Variants in CDC42SE2 observed in about 807,000 individuals in gnomAD.
The protein encoded by CDC42SE2 is CDC42 small effector protein 2.
A neutral mutation model predicts 11.5 loss-of-function variants in CDC42SE2; 3 were observed. The observed-to-expected ratio is 0.26, with a 90% CI of 0.12 to 0.67. The LOEUF (loss-of-function observed/expected upper bound fraction) is 0.67. Among genes scored for constraint, CDC42SE2 ranks in the 30% least tolerant of loss-of-function variants. The pLI is 0.80. For synonymous variants in CDC42SE2, 33 were observed against 34.8 expected, an observed-to-expected ratio of 0.95 and a Z score of 0.18; for missense variants, 82 against 106.8, an observed-to-expected ratio of 0.77 and a Z score of 1.02.
chr5:131,336,587 C>T lies in CDC42SE2; in HGVS notation c.-286+20443C>T, dbSNP rs568439631. On this transcript the variant is annotated intron_variant, in intron 2 of 4. Transcript: ENST00000505065. ...GTGTTTTCCAACTTGGTTCCATTCT[C>T]CCCGTCACTTTCAGGTACACCATTG... Among the ~76,000 whole-genome samples the T allele has an allele frequency of 2.6e-5, 4 of 152,314 alleles. No homozygotes were observed. In the South Asian group the frequency reaches 6.2e-4, roughly 24 times the overall value.
intron 2 of CDC42SE2, among the ~76,000 whole-genome samples, chr5:131,320,412 T>TA (rs577089833): frequency 0.041 from 5,327 of 128,666 alleles, 315 homozygotes; most frequent in African/African-American, 0.14. Flanking sequence ...TAAATAAGAT[T>TA]AAAAAAAAAA....
rs192063038 is a variant in CDC42SE2 at position 131,334,847 on chromosome 5, C to T, written c.-286+18703C>T. ...CATTTTTTATTGGGTCTATTTGATTCTTCTCTCTTTTCTTCTTTATTAGTC... is the reference window on the plus strand; with the variant it reads ...CATTTTTTATTGGGTCTATTTGATTTTTCTCTCTTTTCTTCTTTATTAGTC... On this transcript the variant is annotated intron_variant, in intron 2 of 4. Transcript: ENST00000505065. 4.5e-3 allele frequency among the ~76,000 whole-genome samples: 683 copies of T among 151,824 alleles called. 3 individuals carry two copies. Among genetic ancestry groups the T allele is most frequent in the South Asian group, 8.9e-3 (43 of 4,818 alleles).
chr5:131,386,344 A>G (rs1750485960), intron 4 of CDC42SE2, among the ~76,000 whole-genome samples: 1 of 152,220 alleles, frequency 6.6e-6, no homozygotes, highest in Admixed American at 6.5e-5. Context: ...CCCGGTTCCT[A>G]ACAGGCCACT....
At chr5:131,289,861 A>AC (rs1228768561) in intron 1 of CDC42SE2, among the ~76,000 whole-genome samples, 1 of 151,990 alleles carries the variant, frequency 6.6e-6, no homozygotes, top group East Asian at 1.9e-4. Context: ...CTTCTTAGAA[A>AC]CAGGGACTCG....
chr5:131,286,433 G>A (rs559726783), intron 1 of CDC42SE2, among the ~76,000 whole-genome samples: 1 of 133,730 alleles, frequency 7.5e-6, no homozygotes, highest in Admixed American at 8.4e-5. Flanking sequence ...TGCCCTTGAC[G>A]TACAAGAAGG....
chr5:131,290,047 A>G (rs1757423985), intron 1 of CDC42SE2, among the ~76,000 whole-genome samples: 1 of 152,080 alleles, frequency 6.6e-6, no homozygotes, highest in Non-Finnish European at 1.5e-5. Flanking sequence ...GGGTCTCACT[A>G]TGTTGCCCAG....
chr5:131,268,754 CT>C (rs11370516), intron 1 of CDC42SE2, among the ~76,000 whole-genome samples: 112 of 96,874 alleles, frequency 1.2e-3, no homozygotes, highest in Admixed American at 1.2e-3. Context: ...ACCCGGATTG[CT>C]TTTTTTTTTT....
intron 3 of CDC42SE2, among the ~76,000 whole-genome samples, chr5:131,363,584 C>T (rs1165049105): frequency 1.3e-5 from 2 of 151,854 alleles, no homozygotes; most frequent in African/African-American, 4.8e-5. Flanking sequence ...TCCATGTTAG[C>T]CAGGCTGGTC....
chr5:131,268,761 T>TTC (rs1187414975), intron 1 of CDC42SE2, among the ~76,000 whole-genome samples: 1 of 145,878 alleles, frequency 6.9e-6, no homozygotes, highest in Non-Finnish European at 1.5e-5. Context: ...TTGCTTTTTT[T>TTC]TTTTTTTTTT....
chr5:131,378,866 G>T (rs780694390), intron 3 of CDC42SE2, among the ~76,000 whole-genome samples: 1 of 152,022 alleles, frequency 6.6e-6, no homozygotes, highest in Admixed American at 6.6e-5. Flanking sequence ...ACAAAGATAT[G>T]CTGTTAAAAA....
intron 2 of CDC42SE2, among the ~76,000 whole-genome samples, chr5:131,354,225 A>T (rs1439623178): frequency 6.6e-6 from 1 of 152,284 alleles, no homozygotes. Flanking sequence ...GCAGCAAAGC[A>T]AGACCCTGTC....
At position 131,359,437 on chromosome 5, in the gene CDC42SE2, CT is replaced by C; in HGVS notation, c.-55del. ...CGTATTGAGGAGCGTATTTTTGGAACTTCCCGAGTTGAGATTTGGAACCTTC... is the reference window on the plus strand; with the variant it reads ...CGTATTGAGGAGCGTATTTTTGGAACTCCCGAGTTGAGATTTGGAACCTTC... On this transcript the variant is annotated 5_prime_UTR_variant, in exon 3 of 5. Transcript: ENST00000505065. 14 of 1,322,318 alleles carry C rather than the reference CT, an allele frequency of 1.1e-5. No individual in the cohort carries two copies. Among genetic ancestry groups the C allele is most frequent in the Non-Finnish European group, 1.5e-5 (14 of 913,822 alleles). 81.9% of individuals were successfully genotyped at this position (1,322,318 alleles called of 1,614,324 possible). A position where few individuals can be genotyped will look rare whatever the true frequency, so the allele number is the denominator to read the frequency against.
At chr5:131,336,097 T>G (rs1580762078) in intron 2 of CDC42SE2, among the ~76,000 whole-genome samples, 1 of 152,216 alleles carries the variant, frequency 6.6e-6, no homozygotes, top group Non-Finnish European at 1.5e-5. Flanking sequence ...GTTTTTGCAG[T>G]GGCTGGTACC....
At position 131,377,174 on chromosome 5, in the gene CDC42SE2, A is replaced by ATT. The variant is rs35859756; in HGVS notation, c.55-8353_55-8352dup. On this transcript the variant is annotated intron_variant, in intron 3 of 4. Transcript: ENST00000505065. The stretch of plus-strand genomic sequence containing the variant: ...ATCTATTATTATTTGACTATATGTA[A>ATT]TTTTTTTTTTTTTTTTTGAGACAGA... Among the ~76,000 whole-genome samples the ATT allele has an allele frequency of 1.6e-4, 22 of 139,108 alleles. 1 individual carries two copies. Among genetic ancestry groups the ATT allele is most frequent in the African/African-American group, 4.0e-4 (15 of 37,386 alleles). 91.3% of individuals were successfully genotyped at this position (139,108 alleles called of 152,430 possible). A position where few individuals can be genotyped will look rare whatever the true frequency, so the allele number is the denominator to read the frequency against.
chr5:131,365,809 C>T (rs534873753), intron 3 of CDC42SE2, among the ~76,000 whole-genome samples: 20 of 152,132 alleles, frequency 1.3e-4, no homozygotes, highest in Admixed American at 8.5e-4. Context: ...GGTGAAACCC[C>T]GTCTCTACTA....
chr5:131,283,136 A>G (rs949161790), intron 1 of CDC42SE2, among the ~76,000 whole-genome samples: 7 of 151,514 alleles, frequency 4.6e-5, no homozygotes, highest in Non-Finnish European at 8.8e-5. Context: ...CATGTTGTTC[A>G]GGCTGGTCTC....
At chr5:131,239,126 C>A in the CDC42SE2 span, among the ~76,000 whole-genome samples, 1 of 151,332 alleles carries the variant, frequency 6.6e-6, no homozygotes, top group African/African-American at 2.4e-5. Flanking sequence ...CACCACTGCA[C>A]TCCAGCCTGG....
chr5:131,309,207 G>T (rs972418135), intron 1 of CDC42SE2, among the ~76,000 whole-genome samples: 73 of 152,234 alleles, frequency 4.8e-4, no homozygotes, highest in African/African-American at 1.7e-3. Context: ...AGATAATCAT[G>T]TGGTTTTTGT....
At chr5:131,259,222 C>T (rs749081813), upstream of CDC42SE2, among the ~76,000 whole-genome samples, 8 of 152,080 alleles carry the variant, frequency 5.3e-5, no homozygotes, top group Non-Finnish European at 1.2e-4. Flanking sequence ...CTTGCCTGTA[C>T]CTTATAATTT....
Sources: gnomAD v4.1 joint callset for allele counts (sites outside exome capture counted in the v4.1 genomes callset) on GRCh38, gnomAD v4.1.1 for gene constraint, MANE v1.5 for transcripts, NCBI Gene and HGNC (gene_info 2026-07-23, HGNC 2026-07-21) for gene names.